The following MEGF8 variants were observed in gnomAD, a reference collection of about 807,000 sequenced individuals.
The protein encoded by MEGF8 is multiple epidermal growth factor-like domains protein 8.
Under a neutral mutation model 302.9 loss-of-function variants are expected in MEGF8, and 156 were observed. That is an observed-to-expected ratio of 0.52 (90% CI 0.45 to 0.59). The LOEUF is 0.59. Ranked by LOEUF, MEGF8 falls within the 20% of genes least tolerant of loss-of-function variation. MEGF8 has a pLI of 0.00. For missense variants in MEGF8, 3,345 were observed against 3,964.5 expected, an observed-to-expected ratio of 0.84 and a Z score of 4.20; for synonymous variants, 1,621 against 1,660.5, an observed-to-expected ratio of 0.98 and a Z score of 0.58.
Position 42,356,926 on chromosome 19 carries a change from T to C in MEGF8, c.4775T>C (p.Val1592Ala). The C allele has an allele frequency of 1.2e-6, 2 of 1,610,902 alleles. No homozygotes were observed. The highest frequency in any genetic ancestry group is 1.7e-6 in the Non-Finnish European group (2 of 1,178,774). ...YLLGGLTAGG[V>A]TRDFWVLNLT... ...CTGGGGGGACTTACCGCTGGAGGCG[T>C]CACCCGTGATTTCTGGGTCCTCAAC... Residue 1592 changes from valine to alanine, a missense_variant, in exon 27 of 42, where the codon GTC becomes GCC. Transcript: ENST00000251268. The surrounding 1 kb of genome is among the most constrained non-coding windows in gnomAD (Gnocchi z 5.2).
chr19:42,348,710 C>T (rs574275642), intron 13 of MEGF8, among the ~76,000 whole-genome samples: 1 of 152,338 alleles, frequency 6.6e-6, no homozygotes, highest in South Asian at 2.1e-4. Context: ...AGCAATTCTT[C>T]TGCCTCAGCC....
At chr19:42,329,336 C>T (rs965455088) in intron 1 of MEGF8, among the ~76,000 whole-genome samples, 14 of 152,040 alleles carry the variant, frequency 9.2e-5, no homozygotes, top group Non-Finnish European at 1.9e-4. Context: ...GCTGATCTGG[C>T]AAGAGAGGAT....
Position 42,352,294 on chromosome 19 carries a change from TC to T in MEGF8, c.3191del (p.Pro1064LeufsTer29), listed in dbSNP as rs1216840220. ...VGEGLGLPVA[L>X]PARWAYARCP... ...GAGGGCCTGGGGCTTCCCGTGGCCC[TC>T]CCTGCCCGCTGGGCATACGCCCGCT... On this transcript the variant is annotated frameshift_variant, in exon 19 of 42. Coordinates refer to ENST00000251268, the MANE Select transcript of MEGF8 (RefSeq NM_001271938.2). LOFTEE classifies it high-confidence loss of function. This position sits in a 1 kb window ranked among gnomAD's most constrained non-coding sequence, Gnocchi z 4.4. 1 of 1,572,130 alleles carries T rather than the reference TC, an allele frequency of 6.4e-7. No homozygotes were observed.
chr19:42,358,451 C>G lies in MEGF8; in HGVS notation c.5175+144C>G. The G allele has an allele frequency of 1.8e-6, 2 of 1,099,478 alleles. No individual in the cohort carries two copies. The highest frequency in any genetic ancestry group is 1.3e-6 in the Non-Finnish European group (1 of 795,428). The allele number at this position is 1,099,478 out of a possible 1,614,324, so 68.1% of individuals were successfully genotyped here. ...CTAACTAAGCGACACCCCCACATCT[C>G]CCCCGCTTCCATCCCTGATTTGGAG... On this transcript the variant is annotated intron_variant, in intron 29 of 41. Transcript: ENST00000251268. This position sits in a 1 kb window ranked among gnomAD's most constrained non-coding sequence, Gnocchi z 4.4.
intron 1 of MEGF8, among the ~76,000 whole-genome samples, chr19:42,328,217 G>C (rs1353300301): frequency 1.3e-5 from 2 of 152,236 alleles, no homozygotes; most frequent in Non-Finnish European, 2.9e-5. Context: ...TGAAAGAGAA[G>C]TTGAAAGGCA....
In MEGF8 at chr19:42,350,316, C is replaced by T; in HGVS notation, c.2668C>T (p.Leu890=). 6.2e-7 allele frequency: 1 copy of T among 1,607,944 alleles called. No homozygotes were observed. Among genetic ancestry groups the T allele is most frequent in the Non-Finnish European group, 8.5e-7 (1 of 1,179,570 alleles). Residue 890 remains leucine (L), a synonymous_variant, in exon 15 of 42, where the codon CTG becomes TTG. Coordinates refer to ENST00000251268, the MANE Select transcript of MEGF8 (RefSeq NM_001271938.2). ...HCGDDGAGGS[L]LVLVPTLCPL... ...CGGGGATGACGGGGCTGGTGGGTCC[C>T]TGCTGGTGCTGGTGCCTACCCTCTG...
chr19:42,358,995 G>A lies in MEGF8; in HGVS notation c.5343+41G>A, dbSNP rs1474695479. Reference sequence around the variant, plus strand: ...GGTTAGGATTGGGTGGGCTGGTAGGGGGGGATAGGTAGGGAAGTACAGGGG... The same window carrying A: ...GGTTAGGATTGGGTGGGCTGGTAGGAGGGGATAGGTAGGGAAGTACAGGGG... On this transcript the variant is annotated intron_variant, in intron 30 of 41. Coordinates refer to ENST00000251268, the MANE Select transcript of MEGF8 (RefSeq NM_001271938.2). This position sits in a 1 kb window ranked among gnomAD's most constrained non-coding sequence, Gnocchi z 4.4. The A allele has an allele frequency of 4.4e-6, 7 of 1,590,408 alleles. No homozygotes were observed. Among genetic ancestry groups the A allele is most frequent in the South Asian group, 1.1e-5 (1 of 87,726 alleles).
At chr19:42,333,907 G>T in intron 2 of MEGF8, 100 bp from the exon 3 acceptor site, 1 of 1,512,920 alleles carries the variant, frequency 6.6e-7, no homozygotes, top group Non-Finnish European at 9.0e-7. Flanking sequence ...AGGAGATGAG[G>T]CTCTGGGTCC....
intron 1 of MEGF8, among the ~76,000 whole-genome samples, chr19:42,332,911 TGAG>T (rs548739349): frequency 1.5e-4 from 23 of 152,266 alleles, no homozygotes; most frequent in Non-Finnish European, 2.6e-4. Flanking sequence ...ACTTTAGAGA[TGAG>T]GAGACCGATC....
In MEGF8 at chr19:42,356,961, C is replaced by T; in HGVS notation, c.4810C>T (p.Leu1604=). 1.2e-6 allele frequency: 2 copies of T among 1,606,728 alleles called. No individual in the cohort carries two copies. Among genetic ancestry groups the T allele is most frequent in the East Asian group, 2.2e-5 (1 of 44,614 alleles). The change falls in exon 27 of 42, where the codon CTG becomes TTG. Residue 1604 remains leucine, a synonymous_variant. Coordinates refer to ENST00000251268, the MANE Select transcript of MEGF8 (RefSeq NM_001271938.2). The surrounding 1 kb of genome is among the most constrained non-coding windows in gnomAD (Gnocchi z 5.2). Reference sequence around the variant, plus strand: ...TTTCTGGGTCCTCAACCTCACCACCCTGCAATGGCGGCAGGAGAAGGTGAG... The same window carrying T: ...TTTCTGGGTCCTCAACCTCACCACCTTGCAATGGCGGCAGGAGAAGGTGAG... The part of the protein sequence containing the change: ...RDFWVLNLTT[L]QWRQEKAPQT...
rs139648725 is a variant in MEGF8, at chr19:42,359,166, G to A, written c.5412G>A (p.Ser1804=). Residue 1804 remains serine, a synonymous_variant, in exon 31 of 42, where the codon TCG becomes TCA. Transcript: ENST00000251268. ...CCATGGTGGTTCTTGGGGGGCGCTC[G>A]GACCCTGACGAGTTCAGCAGCGACG... ...GDTMVVLGGR[S]DPDEFSSDVL... is the part of the protein sequence containing the mutation. The A allele has an allele frequency of 3.1e-4, 490 of 1,601,776 alleles. No homozygotes were observed. In the African/African-American group the frequency reaches 6.1e-3, roughly 20 times the overall value.
At chr19:42,337,495 T>C (rs919603214) in intron 8 of MEGF8, among the ~76,000 whole-genome samples, 14 of 151,562 alleles carry the variant, frequency 9.2e-5, no homozygotes, top group African/African-American at 2.9e-4. Flanking sequence ...TTTTTAACTT[T>C]CTTTTCTTTT....
intron 35 of MEGF8, among the ~76,000 whole-genome samples, chr19:42,367,835 T>G (rs903165909): frequency 6.6e-6 from 1 of 152,220 alleles, no homozygotes; most frequent in Non-Finnish European, 1.5e-5. Flanking sequence ...TGCAGCCTGC[T>G]CTTTTCCTGC....
Position 42,370,690 on chromosome 19 carries a change from T to TC in MEGF8, c.7006-9dup, listed in dbSNP as rs1442889152. 1 of 1,590,802 alleles carries TC rather than the reference T, an allele frequency of 6.3e-7. No homozygotes were observed. The highest frequency in any genetic ancestry group is 1.3e-5 in the African/African-American group (1 of 74,474). On this transcript the variant is annotated splice_polypyrimidine_tract_variant and intron_variant, in intron 39 of 41. Transcript: ENST00000251268. Reference sequence around the variant, plus strand: ...GGCCTTTCTATGATCACACTGTCCTTCCTTGGCCAGATTGAAAACTGGGTG... The same window carrying TC: ...GGCCTTTCTATGATCACACTGTCCTTCCCTTGGCCAGATTGAAAACTGGGTG...
Position 42,360,890 on chromosome 19 carries a change from G to A in MEGF8, c.5604G>A (p.Leu1868=), listed in dbSNP as rs762428543. ...GGGGAGTGGCCCTGGGCCGCCTGCT[G>A]GCACTGACCCTGCCCCCTGACCCCT... ...GFGGVALGRL[L]ALTLPPDPCR... Residue 1868 remains leucine, a synonymous_variant, in exon 32 of 42, where the codon CTG becomes CTA. Coordinates refer to ENST00000251268, the MANE Select transcript of MEGF8 (RefSeq NM_001271938.2). 6.2e-7 allele frequency: 1 copy of A among 1,613,480 alleles called. No homozygotes were observed. Among genetic ancestry groups the A allele is most frequent in the South Asian group, 1.1e-5 (1 of 91,076 alleles).
At chr19:42,333,160 G>A (rs1258769899) in intron 1 of MEGF8, among the ~76,000 whole-genome samples, 4 of 152,198 alleles carry the variant, frequency 2.6e-5, no homozygotes, top group African/African-American at 2.4e-5. Context: ...TGGGCCAGGG[G>A]TGGTGTCACG....
In MEGF8 at chr19:42,353,440, G is replaced by A. The variant is rs2039405486; in HGVS notation, c.3551-25G>A. On this transcript the variant is annotated intron_variant, in intron 20 of 41. Transcript: ENST00000251268. The surrounding 1 kb of genome is among the most constrained non-coding windows in gnomAD (Gnocchi z 6.1). ...CTGTTTCCACCCTTGACTTGACTCTGTCCCACCTGCTGGGGCCTCCACAGA... is the reference window on the plus strand; with the variant it reads ...CTGTTTCCACCCTTGACTTGACTCTATCCCACCTGCTGGGGCCTCCACAGA... 7 of 1,605,784 alleles carry A rather than the reference G, an allele frequency of 4.4e-6. No individual in the cohort carries two copies. The South Asian group carries it at 5.6e-5, about 13-fold the overall frequency.
chr19:42,373,317 T>C (rs1171178577), intron 41 of MEGF8, among the ~76,000 whole-genome samples: 1 of 150,750 alleles, frequency 6.6e-6, no homozygotes, highest in African/African-American at 2.4e-5. Flanking sequence ...GGTCTTGATC[T>C]CTTAACCTTG....
rs1050264095 is a variant in MEGF8, at chr19:42,367,245, G to A, written c.6274-1210G>A. On this transcript the variant is annotated intron_variant, in intron 35 of 41. Coordinates refer to ENST00000251268, the MANE Select transcript of MEGF8 (RefSeq NM_001271938.2). ...AGTGTGGGGTAAGAGAAGCCTTTTT[G>A]CCTCAGCAGCCACATTTGTTCTTTT... Among the ~76,000 whole-genome samples, 4 of 151,512 alleles carry A rather than the reference G, an allele frequency of 2.6e-5. No homozygotes were observed. The South Asian group carries it at 8.3e-4, about 32-fold the overall frequency.
Sources: allele counts gnomAD v4.1 joint callset (sites outside exome capture counted in the v4.1 genomes callset), GRCh38; gene constraint gnomAD v4.1.1; non-coding constraint Gnocchi (gnomAD v3.1); transcripts MANE v1.5; gene names NCBI Gene and HGNC (gene_info 2026-07-23, HGNC 2026-07-21).